TBC1D5: variants seen among roughly 807,000 people sequenced by gnomAD.
TBC1D5 encodes the protein TBC1 domain family member 5.
Under a neutral mutation model 100.3 loss-of-function variants are expected in TBC1D5, and 75 were observed. That is an observed-to-expected ratio of 0.75 (90% CI 0.62 to 0.91). The LOEUF is 0.91. TBC1D5 is among the 40% of genes least tolerant of loss of function. The pLI is 0.00. For missense variants in TBC1D5, 910 were observed against 942.4 expected (o/e 0.97, Z 0.45); for synonymous variants, 323 against 325.6 (o/e 0.99, Z 0.09).
chr3:17,301,947 GTTTC>G (rs1265816833), intron 14 of TBC1D5, among the ~76,000 whole-genome samples: 2 of 152,296 alleles, frequency 1.3e-5, no homozygotes, highest in African/African-American at 4.8e-5. Context: ...ATTGCTCAAT[GTTTC>G]TTTCTGTATA....
intron 16 of TBC1D5, among the ~76,000 whole-genome samples, chr3:17,255,902 A>C (rs910543260): frequency 1.3e-5 from 2 of 152,078 alleles, no homozygotes; most frequent in Non-Finnish European, 1.5e-5. Flanking sequence ...CAGGCGTGGC[A>C]GCGTGCGCCT....
At chr3:17,183,424 C>T (rs1050549534) in intron 19 of TBC1D5, among the ~76,000 whole-genome samples, 5 of 152,132 alleles carry the variant, frequency 3.3e-5, no homozygotes, top group Admixed American at 1.3e-4. Flanking sequence ...GGTAAGCGAC[C>T]GAACTGGCGA....
intron 13 of TBC1D5, among the ~76,000 whole-genome samples, chr3:17,369,408 T>C (rs1466435477): frequency 6.6e-6 from 1 of 152,168 alleles, no homozygotes; most frequent in Non-Finnish European, 1.5e-5. Context: ...TTTTTGTATA[T>C]TATGATTTAA....
chr3:17,387,422 G>A (rs1420368858), intron 8 of TBC1D5, among the ~76,000 whole-genome samples: 1 of 151,982 alleles, frequency 6.6e-6, no homozygotes, highest in Non-Finnish European at 1.5e-5. Context: ...TTACACATAA[G>A]AACCTAGCTC....
At chr3:17,592,984 A>G (rs894725321) in intron 2 of TBC1D5, among the ~76,000 whole-genome samples, 6 of 152,182 alleles carry the variant, frequency 3.9e-5, no homozygotes, top group African/African-American at 1.4e-4. Context: ...CTAGCCATAA[A>G]GTGGGTCGTG....
chr3:17,167,636 G>A (rs1192021948), intron 20 of TBC1D5, 113 bp downstream of exon 21: 1 of 881,416 alleles, frequency 1.1e-6, no homozygotes, highest in South Asian at 1.5e-5. Flanking sequence ...CTGTCTGGGA[G>A]GAAATGAGGG....
At chr3:17,678,346 T>C (rs1553912869) in intron 1 of TBC1D5, among the ~76,000 whole-genome samples, 1 of 152,126 alleles carries the variant, frequency 6.6e-6, no homozygotes, top group Non-Finnish European at 1.5e-5. Context: ...AACAACTGGT[T>C]CACCAAACAC....
chr3:17,523,065 T>C lies in TBC1D5; in HGVS notation c.-35-14460A>G, dbSNP rs574106930. 2.0e-5 allele frequency among the ~76,000 whole-genome samples: 3 copies of C among 148,834 alleles called. No homozygotes were observed. In the East Asian group the frequency reaches 5.8e-4, roughly 29 times the overall value. ...TGCTAATATTTCACTTAATGCTTAC[T>C]AAATGCTAGACACTGTGTTTTATGT... is the stretch of plus-strand genomic sequence containing the variant. On this transcript the variant is annotated intron_variant, in intron 2 of 21. Transcript: ENST00000253692.
At chr3:17,552,798 C>A (rs1279059305) in intron 2 of TBC1D5, among the ~76,000 whole-genome samples, 2 of 151,966 alleles carry the variant, frequency 1.3e-5, no homozygotes, top group African/African-American at 4.8e-5. Flanking sequence ...AGGAGTTTGT[C>A]ATGGGAGTTT....
chr3:17,336,658 AT>A (rs2087865657), intron 13 of TBC1D5, among the ~76,000 whole-genome samples: 1 of 152,006 alleles, frequency 6.6e-6, no homozygotes, highest in Non-Finnish European at 1.5e-5. Context: ...ATTAAATATA[AT>A]TGGCCCTAAT....
At chr3:17,403,146 A>G (rs1192137960) in intron 8 of TBC1D5, 35 bp downstream of exon 8, 2 of 1,515,978 alleles carry the variant, frequency 1.3e-6, no homozygotes, top group Non-Finnish European at 1.8e-6. Context: ...AACAATTTGA[A>G]TTATTGAAAG....
At chr3:17,304,374 G>A (rs771870387) in intron 14 of TBC1D5, among the ~76,000 whole-genome samples, 20 of 152,096 alleles carry the variant, frequency 1.3e-4, no homozygotes, top group Non-Finnish European at 2.6e-4. Context: ...ACAAGTGAAA[G>A]CTTCAAAACA....
At chr3:17,639,804 G>A (rs983705134) in intron 1 of TBC1D5, among the ~76,000 whole-genome samples, 6 of 152,042 alleles carry the variant, frequency 3.9e-5, no homozygotes, top group African/African-American at 1.2e-4. Context: ...CAGAACTTTT[G>A]GTAATCATCC....
At chr3:17,411,404 G>A (rs909569808) in intron 4 of TBC1D5, among the ~76,000 whole-genome samples, 4 of 152,008 alleles carry the variant, frequency 2.6e-5, no homozygotes, top group Non-Finnish European at 5.9e-5. Flanking sequence ...AATATCTGTG[G>A]GGTATGTATA....
intron 3 of TBC1D5, among the ~76,000 whole-genome samples, chr3:17,434,390 GC>G (rs2094498301): frequency 6.6e-6 from 1 of 152,150 alleles, no homozygotes; most frequent in African/African-American, 2.4e-5. Context: ...ACACCCACAG[GC>G]CCAACACAAT....
At chr3:17,669,191 C>T (rs1325387447) in intron 1 of TBC1D5, among the ~76,000 whole-genome samples, 1 of 152,140 alleles carries the variant, frequency 6.6e-6, no homozygotes, top group Non-Finnish European at 1.5e-5. Context: ...CTCAGCACTT[C>T]TCCTTCCCGC....
rs1163405435 is a variant in TBC1D5 at position 17,506,717 on chromosome 3, T to G, written c.97+1757A>C. 3.3e-5 allele frequency among the ~76,000 whole-genome samples: 5 copies of G among 152,054 alleles called. No homozygotes were observed. The South Asian group carries it at 8.3e-4, about 25-fold the overall frequency. On this transcript the variant is annotated intron_variant, in intron 3 of 21. Coordinates refer to ENST00000253692, the Ensembl canonical transcript of TBC1D5. Reference sequence around the variant, plus strand: ...CTTTTTAGTAAAGGTAACTACTCATTCCTGTAAACAATAAAGGATAAAATT... The same window carrying G: ...CTTTTTAGTAAAGGTAACTACTCATGCCTGTAAACAATAAAGGATAAAATT...
rs1308461242 is a variant in TBC1D5, at chr3:17,380,679, A to C, written c.612+3234T>G. 3.9e-5 allele frequency among the ~76,000 whole-genome samples: 6 copies of C among 152,064 alleles called. No homozygotes were observed. In the East Asian group the frequency reaches 1.2e-3, roughly 29 times the overall value. ...CATGCCAGTTGAAAATAAAGGTAAC[A>C]AAAGTTTTCTTCAACAGCCTGTAGG... is the stretch of plus-strand genomic sequence containing the variant. On this transcript the variant is annotated intron_variant, in intron 9 of 21. Transcript: ENST00000253692.
intron 4 of TBC1D5, among the ~76,000 whole-genome samples, chr3:17,425,150 A>G (rs1039665780): frequency 7.2e-5 from 11 of 152,206 alleles, no homozygotes; most frequent in African/African-American, 2.4e-4. Context: ...CACTGTCTGG[A>G]ACAAAAAAGT....
Sources: allele counts gnomAD v4.1 joint callset (sites outside exome capture counted in the v4.1 genomes callset), GRCh38; gene constraint gnomAD v4.1.1; transcripts MANE v1.5; gene names NCBI Gene and HGNC (gene_info 2026-07-23, HGNC 2026-07-21).